Variants in PCED1B observed in about 807,000 individuals in gnomAD.
PCED1B encodes PC-esterase domain-containing protein 1B.
For synonymous variants in PCED1B, 251 were observed against 246.1 expected (o/e 1.02, Z -0.19); for missense variants, 573 against 573.9 (o/e 1.00, Z 0.02).
At chr12:47,128,677 T>C (rs1036631303) in intron 2 of PCED1B, among the ~76,000 whole-genome samples, 1 of 152,350 alleles carries the variant, frequency 6.6e-6, no homozygotes, top group African/African-American at 2.4e-5. Context: ...TGTTTAATTA[T>C]TGATGTCTGC....
At chr12:47,168,908 A>G (rs960642138) in intron 2 of PCED1B, among the ~76,000 whole-genome samples, 1 of 152,172 alleles carries the variant, frequency 6.6e-6, no homozygotes, top group Non-Finnish European at 1.5e-5. Context: ...AGTTTTTTCA[A>G]CCAAGAGTAT....
At chr12:47,181,274 T>G (rs535882618) in intron 2 of PCED1B, among the ~76,000 whole-genome samples, 1 of 152,292 alleles carries the variant, frequency 6.6e-6, no homozygotes, top group Non-Finnish European at 1.5e-5. Flanking sequence ...CATTAGCCAC[T>G]GCGCTTGGCC....
intron 2 of PCED1B, among the ~76,000 whole-genome samples, chr12:47,160,301 T>C (rs949261797): frequency 3.8e-5 from 5 of 130,968 alleles, no homozygotes; most frequent in East Asian, 2.1e-4. Context: ...TTCTTTTTTT[T>C]TTTTTTTTTT....
chr12:47,178,772 CAGG>C (rs1942004606), intron 2 of PCED1B, among the ~76,000 whole-genome samples: 1 of 149,458 alleles, frequency 6.7e-6, no homozygotes, highest in Non-Finnish European at 1.5e-5. Context: ...GAGGCTGAGG[CAGG>C]AGAACTGCTT....
chr12:47,225,613 C>T (rs1943610779), intron 3 of PCED1B, among the ~76,000 whole-genome samples: 1 of 152,208 alleles, frequency 6.6e-6, no homozygotes, highest in African/African-American at 2.4e-5. Flanking sequence ...TCTGTACCAT[C>T]CATTCCACTA....
chr12:47,114,060 A>G (rs1158491284), intron 2 of PCED1B, among the ~76,000 whole-genome samples: 1 of 152,100 alleles, frequency 6.6e-6, no homozygotes, highest in Non-Finnish European at 1.5e-5. Flanking sequence ...GTGATTCCAG[A>G]TGGGAATCTA....
chr12:47,129,910 CT>C (rs1424999896), intron 2 of PCED1B, among the ~76,000 whole-genome samples: 1 of 152,186 alleles, frequency 6.6e-6, no homozygotes, highest in African/African-American at 2.4e-5. Flanking sequence ...GAAAAATTTT[CT>C]TATAATGAGC....
chr12:47,217,356 G>T (rs941960859), intron 3 of PCED1B, among the ~76,000 whole-genome samples: 6 of 149,900 alleles, frequency 4.0e-5, no homozygotes, highest in African/African-American at 1.5e-4. Context: ...CCATGATTTC[G>T]CCACTGAATT....
At chr12:47,080,723 T>C (rs1366359549) in intron 1 of PCED1B, among the ~76,000 whole-genome samples, 1 of 152,064 alleles carries the variant, frequency 6.6e-6, no homozygotes, top group Non-Finnish European at 1.5e-5. Flanking sequence ...ATAAGAGTAT[T>C]AACCCAAATA....
At chr12:47,123,403 A>C (rs561088749) in intron 2 of PCED1B, among the ~76,000 whole-genome samples, 1 of 152,260 alleles carries the variant, frequency 6.6e-6, no homozygotes, top group South Asian at 2.1e-4. Flanking sequence ...ATCCATGCAG[A>C]GTTCAAACAA....
At chr12:47,152,750 G>A (rs150053711) in intron 2 of PCED1B, among the ~76,000 whole-genome samples, 2 of 152,160 alleles carry the variant, frequency 1.3e-5, no homozygotes, top group Admixed American at 1.3e-4. Flanking sequence ...GGCCAACATG[G>A]CAAAACCCTG....
chr12:47,172,340 C>CTTTTTTTTTTTTTTTTTTTTT (rs34230051), intron 2 of PCED1B, among the ~76,000 whole-genome samples: 6 of 78,332 alleles, frequency 7.7e-5, no homozygotes, highest in Non-Finnish European at 1.5e-4. Flanking sequence ...TCGTGGGTTG[C>CTTTTTTTTTTTTTTTTTTTTT]TTTTTTTTTT....
chr12:47,160,191 T>C (rs765580729), intron 2 of PCED1B, among the ~76,000 whole-genome samples: 2 of 152,196 alleles, frequency 1.3e-5, no homozygotes, highest in African/African-American at 4.8e-5. Flanking sequence ...AGCATTGTTC[T>C]TTTTGCTTGC....
chr12:47,192,173 G>GTTT (rs60925090), intron 2 of PCED1B, among the ~76,000 whole-genome samples: 2 of 124,938 alleles, frequency 1.6e-5, no homozygotes, highest in Non-Finnish European at 3.5e-5. Flanking sequence ...TTTTTTTTTT[G>GTTT]TTTTTTTTTT....
intron 2 of PCED1B, among the ~76,000 whole-genome samples, chr12:47,213,507 C>A (rs572599371): frequency 6.6e-6 from 1 of 152,236 alleles, no homozygotes; most frequent in African/African-American, 2.4e-5. Flanking sequence ...ATTTCTGGCC[C>A]TCTTATAGGA....
intron 2 of PCED1B, among the ~76,000 whole-genome samples, chr12:47,136,189 C>T (rs925358310): frequency 1.7e-4 from 24 of 145,280 alleles, no homozygotes; most frequent in South Asian, 2.1e-4. Flanking sequence ...TGTACTTTTG[C>T]TCTGTAAGAT....
chr12:47,127,737 T>G (rs1939953264), intron 2 of PCED1B, among the ~76,000 whole-genome samples: 1 of 152,186 alleles, frequency 6.6e-6, no homozygotes. Flanking sequence ...TCTTTAACAT[T>G]TATTTAGATA....
chr12:47,097,641 A>G (rs1938534494), intron 1 of PCED1B, among the ~76,000 whole-genome samples: 3 of 152,178 alleles, frequency 2.0e-5, no homozygotes, highest in Admixed American at 2.0e-4. Flanking sequence ...TCAGTGGTGA[A>G]ATCTAAACTG....
At chr12:47,116,628 C>T (rs1372144604) in intron 2 of PCED1B, among the ~76,000 whole-genome samples, 3 of 152,010 alleles carry the variant, frequency 2.0e-5, no homozygotes, top group South Asian at 2.1e-4. Flanking sequence ...ATCATTTGAG[C>T]CAAATTATTT....
Sources: gnomAD v4.1 joint callset for allele counts (sites outside exome capture counted in the v4.1 genomes callset) on GRCh38, gnomAD v4.1.1 for gene constraint, MANE v1.5 for transcripts, NCBI Gene and HGNC (gene_info 2026-07-23, HGNC 2026-07-21) for gene names.